Variants in ENDOV observed in about 807,000 individuals in gnomAD.
The protein encoded by ENDOV is hEndoV.
In ENDOV, 37 loss-of-function variants were observed where a neutral mutation model predicts 39.4. The ratio of observed to expected loss-of-function variants is 0.94; its 90% CI spans 0.72 to 1.23. The LOEUF is 1.23. Among genes scored for constraint, ENDOV ranks in the 50% most tolerant of loss-of-function variants. The probability of loss-of-function intolerance (pLI) is 0.00; values close to 1 mark genes in which losing one functional copy is unlikely to be tolerated. For synonymous variants in ENDOV, 186 were observed against 163.4 expected, an observed-to-expected ratio of 1.14 and a Z score of -1.05; for missense variants, 441 against 375.7, an observed-to-expected ratio of 1.17 and a Z score of -1.44.
At chr17:80,429,434 C>T (rs897405041) in intron 8 of ENDOV, among the ~76,000 whole-genome samples, 15 of 152,312 alleles carry the variant, frequency 9.8e-5, no homozygotes, top group South Asian at 6.2e-4. Flanking sequence ...GCCTGGGATT[C>T]GCCCTGCCCT....
chr17:80,437,771 G>A lies in ENDOV; in HGVS notation c.*1628G>A, dbSNP rs1322727779. 2 of 152,230 alleles carry A rather than the reference G, an allele frequency of 1.3e-5. No individual in the cohort carries two copies. Among genetic ancestry groups the A allele is most frequent in the Non-Finnish European group, 1.5e-5 (1 of 68,048 alleles). The allele number at this position is 152,230 out of a possible 1,614,324, so 9.4% of individuals were successfully genotyped here. ...TGAGTCACTGTATTCCTTAAAAGGTGAAGGACCCTGGTCCTTGGCTTTTCG... is the reference window on the plus strand; with the variant it reads ...TGAGTCACTGTATTCCTTAAAAGGTAAAGGACCCTGGTCCTTGGCTTTTCG... On this transcript the variant is annotated 3_prime_UTR_variant, in exon 10 of 10. Coordinates refer to ENST00000518137, the MANE Select transcript of ENDOV (RefSeq NM_173627.5).
chr17:80,416,093 C>T (rs2081108228), intron 2 of ENDOV: 1 of 333,926 alleles, frequency 3.0e-6, no homozygotes, highest in South Asian at 2.8e-5. Flanking sequence ...CAAAATTAGA[C>T]GGGTGTGGTG....
At chr17:80,423,012 TCTTTTA>T (rs59143400) in intron 4 of ENDOV, among the ~76,000 whole-genome samples, 4,953 of 152,318 alleles carry the variant, frequency 0.033, 121 homozygotes, top group East Asian at 0.14. Flanking sequence ...GGAGATGGGC[TCTTTTA>T]CTGTTACATA....
intron 5 of ENDOV, 51 bp downstream of exon 5, chr17:80,423,683 G>C (rs376279581): frequency 1.3e-6 from 2 of 1,513,764 alleles, no homozygotes; most frequent in Non-Finnish European, 1.8e-6. Context: ...TGGCGGGGCT[G>C]TGGTGGCCCT....
chr17:80,422,258 T>C lies in ENDOV; in HGVS notation c.403+13T>C, dbSNP rs2082137613. ...CTCCACCACCGAGGTAATCCTGCTCTTGGAGGTCCAGGGAGGGCACTGTGG... is the reference window on the plus strand; with the variant it reads ...CTCCACCACCGAGGTAATCCTGCTCCTGGAGGTCCAGGGAGGGCACTGTGG... On this transcript the variant is annotated intron_variant, in intron 4 of 9. Transcript: ENST00000518137. The C allele has an allele frequency of 6.2e-7, 1 of 1,613,386 alleles. No homozygotes were observed. Among genetic ancestry groups the C allele is most frequent in the African/African-American group, 1.3e-5 (1 of 74,896 alleles).
At chr17:80,433,569 G>A (rs910557155) in intron 9 of ENDOV, among the ~76,000 whole-genome samples, 2 of 152,228 alleles carry the variant, frequency 1.3e-5, no homozygotes, top group African/African-American at 4.8e-5. Context: ...GCGCCCTGGG[G>A]CTTCACTCCA....
At chr17:80,432,399 G>C (rs2083383663) in intron 9 of ENDOV, among the ~76,000 whole-genome samples, 1 of 152,096 alleles carries the variant, frequency 6.6e-6, no homozygotes, top group African/African-American at 2.4e-5. Context: ...GTCCTGTCTG[G>C]ATGGGAGGGA....
chr17:80,425,000 T>C (rs758663164), intron 5 of ENDOV, 32 bp from the exon 6 acceptor site: 5 of 1,588,680 alleles, frequency 3.1e-6, no homozygotes, highest in Non-Finnish European at 3.4e-6. Context: ...AAGAGAGGGG[T>C]TTTTTTCCCC....
intron 9 of ENDOV, among the ~76,000 whole-genome samples, chr17:80,432,953 G>C (rs1183676355): frequency 6.6e-6 from 1 of 152,178 alleles, no homozygotes; most frequent in Non-Finnish European, 1.5e-5. Context: ...GACACACCCA[G>C]AGCCTGGTGT....
Position 80,436,353 on chromosome 17 carries a change from G to C in ENDOV, c.*210G>C. 6.6e-7 allele frequency: 1 copy of C among 1,517,198 alleles called. No homozygotes were observed. Among genetic ancestry groups the C allele is most frequent in the South Asian group, 1.2e-5 (1 of 83,098 alleles). 94.0% of individuals were successfully genotyped at this position (1,517,198 alleles called of 1,614,324 possible). A position where few individuals can be genotyped will look rare whatever the true frequency, so the allele number is the denominator to read the frequency against. ...GAGCACACGTCCTTGTCTTGTTCCT[G>C]ATCTTAAGGGAACGTTTGCAGTCTT... On this transcript the variant is annotated 3_prime_UTR_variant, in exon 10 of 10. Coordinates refer to ENST00000518137, the MANE Select transcript of ENDOV (RefSeq NM_173627.5).
chr17:80,419,399 T>C (rs1213004140), intron 2 of ENDOV: 3 of 575,602 alleles, frequency 5.2e-6, no homozygotes, highest in Non-Finnish European at 9.4e-6. Context: ...TGCTGAGCCA[T>C]GGCTGGTGTG....
chr17:80,426,709 T>C (rs1318269553), intron 7 of ENDOV, among the ~76,000 whole-genome samples: 1 of 152,164 alleles, frequency 6.6e-6, no homozygotes, highest in Admixed American at 6.5e-5. Context: ...CAGATGGCAG[T>C]GAAGTACAGA....
intron 2 of ENDOV, chr17:80,420,352 C>G (rs936263248): frequency 2.6e-5 from 4 of 152,244 alleles, no homozygotes. Flanking sequence ...GACTTTTACT[C>G]TGTGGGGATG....
At chr17:80,428,362 A>G in intron 7 of ENDOV, 1 of 554,160 alleles carries the variant, frequency 1.8e-6, no homozygotes, top group Non-Finnish European at 3.2e-6. Context: ...CCCTTCAGGG[A>G]CTGCCCAGCT....
chr17:80,435,105 G>C (rs1206953143), intron 9 of ENDOV, among the ~76,000 whole-genome samples: 2 of 101,850 alleles, frequency 2.0e-5, no homozygotes, highest in Non-Finnish European at 4.8e-5. Flanking sequence ...ATCTTGTTGA[G>C]TTGCAGAAGT....
At position 80,432,763 on chromosome 17, in the gene ENDOV, T is replaced by C. The variant is rs997570093; in HGVS notation, c.838+2932T>C. Among the ~76,000 whole-genome samples the C allele has an allele frequency of 2.0e-5, 3 of 150,768 alleles. No homozygotes were observed. The South Asian group carries it at 6.3e-4, about 32-fold the overall frequency. On this transcript the variant is annotated intron_variant, in intron 9 of 9. Transcript: ENST00000518137. ...TCAAGCAGAGTCGTGGGAGATGGAG[T>C]CATGGGGGCGTGTGGGGGTCTAGGC...
At chr17:80,420,218 A>G (rs1482157300) in intron 2 of ENDOV, 1 of 153,654 alleles carries the variant, frequency 6.5e-6, no homozygotes, top group Non-Finnish European at 1.5e-5. Context: ...CTGATTACAC[A>G]TCATAGTCAT....
intron 9 of ENDOV, among the ~76,000 whole-genome samples, chr17:80,430,816 C>T (rs1474168202): frequency 6.6e-6 from 1 of 152,208 alleles, no homozygotes; most frequent in Non-Finnish European, 1.5e-5. Flanking sequence ...CCTGCCTTGC[C>T]CCAGAGGCAC....
At chr17:80,422,752 T>C (rs1258948762) in intron 4 of ENDOV, among the ~76,000 whole-genome samples, 2 of 150,450 alleles carry the variant, frequency 1.3e-5, no homozygotes, top group East Asian at 4.0e-4. Context: ...CAGGCTGGAG[T>C]GCAGTGGCGC....
Sources: gnomAD v4.1 joint callset for allele counts (sites outside exome capture counted in the v4.1 genomes callset) on GRCh38, gnomAD v4.1.1 for gene constraint, MANE v1.5 for transcripts, NCBI Gene and HGNC (gene_info 2026-07-23, HGNC 2026-07-21) for gene names.